The following CEP128 variants were observed in gnomAD, a reference collection of about 807,000 sequenced individuals.
The protein encoded by CEP128 is centrosomal protein 128.
A neutral mutation model predicts 156.7 loss-of-function variants in CEP128; 132 were observed. The ratio of observed to expected loss-of-function variants is 0.84; its 90% CI spans 0.73 to 0.97. CEP128 has a LOEUF of 0.97. Among genes scored for constraint, CEP128 ranks in the 50% least tolerant of loss-of-function variants. The pLI is 0.00. For missense variants in CEP128, 1,252 were observed against 1,281.9 expected (o/e 0.98, Z 0.36); for synonymous variants, 469 against 448.9 (o/e 1.04, Z -0.57).
chr14:80,506,139 G>A (rs1274207125), intron 23 of CEP128, among the ~76,000 whole-genome samples: 3 of 152,076 alleles, frequency 2.0e-5, no homozygotes, highest in Non-Finnish European at 4.4e-5. Context: ...TATTGGTGGG[G>A]CATGAGAAAG....
At chr14:80,479,403 G>A (rs67982332) in intron 14 of CEP128, among the ~76,000 whole-genome samples, 64,545 of 151,996 alleles carry the variant, frequency 0.42, 16,206 homozygotes, top group East Asian at 0.69. Flanking sequence ...GGCTGGAGAG[G>A]CCTCAGAATC....
At position 80,866,798 on chromosome 14, in the gene CEP128, A is replaced by C. The variant is rs957258911; in HGVS notation, c.646-3925T>G. On this transcript the variant is annotated intron_variant, in intron 8 of 24. Transcript: ENST00000555265. ...CAATCCCAAAGAAATGGAGATCTTCAAACTGCCTAACAAAGAATACAAAAT... is the reference window on the plus strand; with the variant it reads ...CAATCCCAAAGAAATGGAGATCTTCCAACTGCCTAACAAAGAATACAAAAT... Among the ~76,000 whole-genome samples, 5 of 152,328 alleles carry C rather than the reference A, an allele frequency of 3.3e-5. No homozygotes were observed. The South Asian group carries it at 1.0e-3, about 32-fold the overall frequency.
intron 2 of CEP128, among the ~76,000 whole-genome samples, chr14:80,939,085 T>C (rs1317747084): frequency 6.6e-6 from 1 of 152,212 alleles, no homozygotes; most frequent in African/African-American, 2.4e-5. Flanking sequence ...AATTATATAA[T>C]GCCTGTAAAA....
chr14:80,843,781 CTCAATATTAAG>C, intron 9 of CEP128, among the ~76,000 whole-genome samples: 2 of 151,930 alleles, frequency 1.3e-5, no homozygotes, highest in African/African-American at 4.8e-5. Flanking sequence ...CAAGCAAAAA[CTCAATATTAAG>C]TACTGAGTAT....
At chr14:80,795,320 C>T (rs187878096) in intron 13 of CEP128, among the ~76,000 whole-genome samples, 4 of 152,318 alleles carry the variant, frequency 2.6e-5, no homozygotes, top group Admixed American at 6.5e-5. Flanking sequence ...TCAGCTATTA[C>T]ACCCTCTTCC....
At chr14:80,574,700 T>G (rs563686236) in intron 20 of CEP128, among the ~76,000 whole-genome samples, 5 of 152,192 alleles carry the variant, frequency 3.3e-5, no homozygotes, top group African/African-American at 1.2e-4. Flanking sequence ...TATATTCTAT[T>G]TTTTTCCTCG....
At chr14:80,737,965 G>T (rs1898620651) in intron 19 of CEP128, among the ~76,000 whole-genome samples, 1 of 152,118 alleles carries the variant, frequency 6.6e-6, no homozygotes, top group Non-Finnish European at 1.5e-5. Flanking sequence ...ATTACATTTA[G>T]AAATCATCCC....
At chr14:80,872,870 G>A (rs1017119630) in intron 8 of CEP128, among the ~76,000 whole-genome samples, 1 of 152,106 alleles carries the variant, frequency 6.6e-6, no homozygotes, top group African/African-American at 2.4e-5. Flanking sequence ...ACATCATGTG[G>A]CCTTCAGAAG....
chr14:80,643,472 A>G (rs978313481), intron 19 of CEP128, among the ~76,000 whole-genome samples: 2 of 152,072 alleles, frequency 1.3e-5, no homozygotes, highest in African/African-American at 2.4e-5. Context: ...TAATCCCAAC[A>G]CTTTGGGAGG....
intron 21 of CEP128, among the ~76,000 whole-genome samples, chr14:80,544,417 T>C (rs1394196785): frequency 2.0e-5 from 3 of 152,184 alleles, no homozygotes; most frequent in Non-Finnish European, 4.4e-5. Context: ...GAGGACCTGC[T>C]TCCTAGCTTA....
chr14:80,948,624 A>G (rs1157493488), intron 2 of CEP128, among the ~76,000 whole-genome samples: 1 of 152,214 alleles, frequency 6.6e-6, no homozygotes, highest in Non-Finnish European at 1.5e-5. Flanking sequence ...ACTTTCTAAT[A>G]TTTGAACCAT....
At chr14:80,940,527 T>C (rs1480234031) in intron 1 of CEP128, among the ~76,000 whole-genome samples, 1 of 151,110 alleles carries the variant, frequency 6.6e-6, no homozygotes, top group Non-Finnish European at 1.5e-5. Context: ...TTTTTTTTAA[T>C]GTACAGCCAG....
intron 20 of CEP128, among the ~76,000 whole-genome samples, chr14:80,573,235 C>T (rs1006973599): frequency 1.3e-5 from 2 of 152,034 alleles, no homozygotes; most frequent in African/African-American, 4.8e-5. Flanking sequence ...TTTTTTACTA[C>T]TAACTTTTTA....
At chr14:80,656,661 T>C (rs1895186749) in intron 19 of CEP128, among the ~76,000 whole-genome samples, 1 of 152,068 alleles carries the variant, frequency 6.6e-6, no homozygotes, top group African/African-American at 2.4e-5. Flanking sequence ...AGTTTGTGAA[T>C]AAGCATTCTT....
intron 19 of CEP128, among the ~76,000 whole-genome samples, chr14:80,626,450 G>A (rs1204439441): frequency 3.2e-5 from 4 of 125,564 alleles, no homozygotes; most frequent in East Asian, 2.3e-4. Context: ...CGGCCTGGGC[G>A]ACAGAGCGAG....
intron 13 of CEP128, among the ~76,000 whole-genome samples, chr14:80,795,653 C>T (rs1268010507): frequency 2.0e-5 from 3 of 152,152 alleles, no homozygotes; most frequent in Admixed American, 2.0e-4. Flanking sequence ...ATGCCTCAAC[C>T]CAGCTCACAC....
Position 80,785,221 on chromosome 14 carries a change from T to C in CEP128, c.1885A>G (p.Lys629Glu), listed in dbSNP as rs1470651673. 1 of 1,614,196 alleles carries C rather than the reference T, an allele frequency of 6.2e-7. No homozygotes were observed. Among genetic ancestry groups the C allele is most frequent in the Admixed American group, 1.7e-5 (1 of 60,024 alleles). The change falls in exon 15 of 25, where the codon AAA becomes GAA. Residue 629 changes from lysine to glutamate, a missense_variant. Physicochemically the swap from Lys to Glu is moderately conservative, Grantham distance 56. Transcript: ENST00000555265. ...ATGGACTCTTGCATCTCAAGAAGTTTAGCTTTGTCCTGGGCCTGGCTCTTC... is the reference window on the plus strand; with the variant it reads ...ATGGACTCTTGCATCTCAAGAAGTTCAGCTTTGTCCTGGGCCTGGCTCTTC... ...LKKSQAQDKA[K>E]LLEMQESIKD...
chr14:80,673,787 T>C (rs1319465413), intron 19 of CEP128, among the ~76,000 whole-genome samples: 7 of 151,104 alleles, frequency 4.6e-5, no homozygotes, highest in Admixed American at 1.3e-4. Flanking sequence ...TTTCTCTTTC[T>C]CTCTCTCTCT....
chr14:80,805,135 G>T (rs1429144280), intron 13 of CEP128, among the ~76,000 whole-genome samples: 1 of 151,714 alleles, frequency 6.6e-6, no homozygotes, highest in African/African-American at 2.4e-5. Flanking sequence ...AAACCTCAAG[G>T]TTTATCCCAA....
Sources: gnomAD v4.1 joint callset for allele counts (sites outside exome capture counted in the v4.1 genomes callset) on GRCh38, gnomAD v4.1.1 for gene constraint, MANE v1.5 for transcripts, NCBI Gene and HGNC (gene_info 2026-07-23, HGNC 2026-07-21) for gene names.